The following AVL9 variants were observed in gnomAD, a reference collection of about 807,000 sequenced individuals.
The protein encoded by AVL9 is AVL9 cell migration associated.
Under a neutral mutation model 79.2 loss-of-function variants are expected in AVL9, and 49 were observed. That is an observed-to-expected ratio of 0.62 (90% CI 0.49 to 0.79). AVL9 has a LOEUF of 0.79. Ranked by LOEUF, AVL9 falls within the 30% of genes least tolerant of loss-of-function variation. AVL9 has a pLI of 0.00. For missense variants in AVL9, 682 were observed against 776.8 expected, an observed-to-expected ratio of 0.88 and a Z score of 1.45; for synonymous variants, 299 against 280.6, an observed-to-expected ratio of 1.07 and a Z score of -0.65.
intron 1 of AVL9, among the ~76,000 whole-genome samples, chr7:32,541,817 C>T (rs548785854): frequency 6.6e-6 from 1 of 151,788 alleles, no homozygotes; most frequent in Admixed American, 6.6e-5. Context: ...TGGGTTCAAG[C>T]AATTCTCCTG....
At position 32,544,687 on chromosome 7, in the gene AVL9, C is replaced by G. The variant is rs763073639; in HGVS notation, c.215-7C>G. The G allele has an allele frequency of 8.4e-5, 134 of 1,604,162 alleles. No homozygotes were observed. The highest frequency in any genetic ancestry group is 1.1e-4 in the Non-Finnish European group (126 of 1,171,712). On this transcript the variant is annotated splice_region_variant and splice_polypyrimidine_tract_variant and intron_variant, in intron 2 of 15. Coordinates refer to ENST00000318709, the MANE Select transcript of AVL9 (RefSeq NM_015060.3). The stretch of plus-strand genomic sequence containing the variant: ...TCACTATTTACATTTTTCTATGTAT[C>G]TCTTAGATACTGTGTTTTTTCACTT...
chr7:32,551,537 T>C (rs1025814132), intron 5 of AVL9, 114 bp downstream of exon 5: 13 of 490,112 alleles, frequency 2.7e-5, no homozygotes, highest in Non-Finnish European at 4.2e-5. Flanking sequence ...GACATTCTAA[T>C]GTGAAAACGC....
intron 1 of AVL9, among the ~76,000 whole-genome samples, chr7:32,519,510 G>A (rs924887470): frequency 2.6e-5 from 4 of 151,712 alleles, no homozygotes; most frequent in African/African-American, 7.3e-5. Context: ...ACATGACTTC[G>A]GCAGTCTTTG....
intron 1 of AVL9, chr7:32,537,193 G>A (rs1006663753): frequency 5.3e-5 from 8 of 152,100 alleles, no homozygotes; most frequent in African/African-American, 1.9e-4. Flanking sequence ...TACCACTAGA[G>A]TCACCTTAGC....
intron 12 of AVL9, among the ~76,000 whole-genome samples, chr7:32,573,691 T>C (rs1583598551): frequency 6.6e-6 from 1 of 152,326 alleles, no homozygotes; most frequent in East Asian, 1.9e-4. Flanking sequence ...TCTGAAACTA[T>C]TACTTTATAA....
At position 32,559,478 on chromosome 7, in the gene AVL9, T is replaced by A; in HGVS notation, c.1215+14T>A. ...ATCTTCACAAAGGTAAAGTGTAATATTTTTTATCGAATTCCTTAAAGAATT... is the reference window on the plus strand; with the variant it reads ...ATCTTCACAAAGGTAAAGTGTAATAATTTTTATCGAATTCCTTAAAGAATT... On this transcript the variant is annotated intron_variant, in intron 10 of 15. Coordinates refer to ENST00000318709, the MANE Select transcript of AVL9 (RefSeq NM_015060.3). The A allele has an allele frequency of 1.3e-6, 2 of 1,503,572 alleles. No homozygotes were observed. The highest frequency in any genetic ancestry group is 1.8e-6 in the Non-Finnish European group (2 of 1,126,356). 93.1% of individuals were successfully genotyped at this position (1,503,572 alleles called of 1,614,324 possible).
intron 1 of AVL9, among the ~76,000 whole-genome samples, chr7:32,520,056 CT>C (rs1349938824): frequency 2.0e-5 from 3 of 152,334 alleles, no homozygotes; most frequent in African/African-American, 7.2e-5. Flanking sequence ...GGTCCCTCCC[CT>C]GACATTGAGT....
intron 1 of AVL9, among the ~76,000 whole-genome samples, chr7:32,502,063 TAAAAA>T (rs34438459): frequency 6.7e-6 from 1 of 149,936 alleles, no homozygotes; most frequent in Non-Finnish European, 1.5e-5. Context: ...ACATTTATGA[TAAAAA>T]AAAAATATGT....
intron 10 of AVL9, among the ~76,000 whole-genome samples, chr7:32,569,468 TACAC>T (rs1273775282): frequency 5.9e-5 from 9 of 152,230 alleles, no homozygotes; most frequent in African/African-American, 1.9e-4. Flanking sequence ...ATTAATTAAA[TACAC>T]AGATACTACC....
intron 1 of AVL9, among the ~76,000 whole-genome samples, chr7:32,526,652 G>T (rs1438272271): frequency 6.6e-6 from 1 of 152,098 alleles, no homozygotes; most frequent in Non-Finnish European, 1.5e-5. Context: ...AGTTTGGAGG[G>T]TGCATCCTGG....
At chr7:32,517,497 GGTTT>G (rs1562759083) in intron 1 of AVL9, among the ~76,000 whole-genome samples, 1 of 151,662 alleles carries the variant, frequency 6.6e-6, no homozygotes, top group Non-Finnish European at 1.5e-5. Flanking sequence ...GTAGAGACGG[GGTTT>G]CACCATCTTG....
chr7:32,522,943 C>G (rs1042546965), intron 1 of AVL9, among the ~76,000 whole-genome samples: 1 of 151,822 alleles, frequency 6.6e-6, no homozygotes. Flanking sequence ...CTCTTGCCAC[C>G]GCCATGTAAT....
At chr7:32,545,023 TTATC>T (rs1235168177) in intron 3 of AVL9, among the ~76,000 whole-genome samples, 2 of 152,382 alleles carry the variant, frequency 1.3e-5, no homozygotes, top group Admixed American at 6.5e-5. Flanking sequence ...GATACATAAA[TTATC>T]TATTTGTCTT....
At position 32,558,566 on chromosome 7, in the gene AVL9, T is replaced by C; in HGVS notation, c.617T>C (p.Phe206Ser). The part of the protein sequence containing the change: ...KLILLEKKVL[F>S]YISPVNKLVG... ...TGATTGACTCCATTCCAGGTTCTTT[T>C]TTATATTTCTCCAGTGAATAAATTG... The change falls in exon 9 of 16, where the codon TTT (phenylalanine) becomes TCT (serine). Residue 206 changes from phenylalanine (F) to serine (S), a missense_variant. By Grantham distance (155) the Phe-to-Ser change is radical. Transcript: ENST00000318709. 1 of 1,610,388 alleles carries C rather than the reference T, an allele frequency of 6.2e-7. No individual in the cohort carries two copies. The highest frequency in any genetic ancestry group is 1.1e-5 in the South Asian group (1 of 90,188).
chr7:32,582,627 T>C (rs1324837064), intron 15 of AVL9, among the ~76,000 whole-genome samples: 1 of 152,238 alleles, frequency 6.6e-6, no homozygotes, highest in East Asian at 1.9e-4. Context: ...AAATCTCTTC[T>C]ATACTCTTCT....
chr7:32,528,064 G>A (rs1788482257), intron 1 of AVL9, among the ~76,000 whole-genome samples: 1 of 152,008 alleles, frequency 6.6e-6, no homozygotes, highest in Non-Finnish European at 1.5e-5. Context: ...TAAAACCTAG[G>A]TCTCTACAAC....
intron 9 of AVL9, 112 bp downstream of exon 9, chr7:32,558,740 A>C: frequency 9.4e-6 from 10 of 1,066,082 alleles, no homozygotes; most frequent in Non-Finnish European, 1.4e-5. Context: ...TTCTATTTTA[A>C]TATGACGTCT....
intron 9 of AVL9, 131 bp downstream of exon 9, chr7:32,558,759 G>T: frequency 1.0e-6 from 1 of 979,712 alleles, no homozygotes; most frequent in South Asian, 1.9e-5. Context: ...CTTCCTTTTG[G>T]AAATAGGTTT....
Position 32,518,267 on chromosome 7 carries a change from A to G in AVL9, c.93+22465A>G, listed in dbSNP as rs118033457. On this transcript the variant is annotated intron_variant, in intron 1 of 15. Transcript: ENST00000318709. ...GGTAAACACCTGAAATTCACAGACT[A>G]TAAAATGGTTGACAGGGAAATAACT... Among the ~76,000 whole-genome samples, 1,141 of 152,356 alleles carry G rather than the reference A, an allele frequency of 7.5e-3. 39 individuals carry two copies. The highest frequency in any genetic ancestry group is 0.072 in the East Asian group (371 of 5,186).
Sources: allele counts gnomAD v4.1 joint callset (sites outside exome capture counted in the v4.1 genomes callset), GRCh38; gene constraint gnomAD v4.1.1; transcripts MANE v1.5; gene names NCBI Gene and HGNC (gene_info 2026-07-23, HGNC 2026-07-21).